NUP58: variants seen among roughly 807,000 people sequenced by gnomAD.
NUP58 encodes nucleoporin p58/p45.
A neutral mutation model predicts 70.1 loss-of-function variants in NUP58; 17 were observed. The observed-to-expected ratio is 0.24, with a 90% CI of 0.17 to 0.36. The LOEUF (loss-of-function observed/expected upper bound fraction) is 0.36. Ranked by LOEUF, NUP58 falls within the 10% of genes least tolerant of loss-of-function variation. The pLI is 1.00. For synonymous variants in NUP58, 275 were observed against 257.6 expected, an observed-to-expected ratio of 1.07 and a Z score of -0.65; for missense variants, 644 against 701.5, an observed-to-expected ratio of 0.92 and a Z score of 0.93.
chr13:25,334,982 TG>T (rs1458523020), intron 13 of NUP58: 3 of 985,144 alleles, frequency 3.0e-6, no homozygotes, highest in Non-Finnish European at 3.6e-6. Flanking sequence ...ACGTAACTTT[TG>T]CCTGAAGGAT....
At chr13:25,323,536 A>G (rs1593189941) in intron 9 of NUP58, among the ~76,000 whole-genome samples, 1 of 152,172 alleles carries the variant, frequency 6.6e-6, no homozygotes, top group Non-Finnish European at 1.5e-5. Context: ...TGAATTACCA[A>G]TTGAAAAAAA....
chr13:25,318,565 ATAAGAAAAATACCG>A (rs1404088388), intron 6 of NUP58, among the ~76,000 whole-genome samples: 7 of 152,226 alleles, frequency 4.6e-5, no homozygotes. Flanking sequence ...TTAGAAATAT[ATAAGAAAAATACCG>A]TAAGAAAAGT....
intron 7 of NUP58, among the ~76,000 whole-genome samples, chr13:25,319,903 T>G (rs185150544): frequency 1.2e-3 from 177 of 152,250 alleles, no homozygotes; most frequent in African/African-American, 4.2e-3. Flanking sequence ...AGCTTACTAT[T>G]TAAATGAAGA....
At chr13:25,302,403 A>C (rs1323412564) in intron 1 of NUP58, among the ~76,000 whole-genome samples, 1 of 152,342 alleles carries the variant, frequency 6.6e-6, no homozygotes, top group Admixed American at 6.5e-5. Context: ...TAAAAAAAAC[A>C]AAAACACTTT....
rs1445482723 is a variant in NUP58 at position 25,332,054 on chromosome 13, A to G, written c.1435+496A>G. 9 of 1,005,598 alleles carry G rather than the reference A, an allele frequency of 8.9e-6. No individual in the cohort carries two copies. The Admixed American group carries it at 3.6e-4, about 40-fold the overall frequency. 62.3% of individuals were successfully genotyped at this position (1,005,598 alleles called of 1,614,324 possible). On this transcript the variant is annotated intron_variant, in intron 13 of 15. Coordinates refer to ENST00000381736, the MANE Select transcript of NUP58 (RefSeq NM_014089.4). ...GACTGAAGGTATGTTGAAGATCAAT[A>G]GGCTTGTTTGTATGTATGTTGACTG... is the stretch of plus-strand genomic sequence containing the variant.
intron 5 of NUP58, among the ~76,000 whole-genome samples, chr13:25,314,455 G>A (rs1428860608): frequency 6.6e-6 from 1 of 152,032 alleles, no homozygotes; most frequent in Non-Finnish European, 1.5e-5. Context: ...CAGCACTTTG[G>A]GAGGCCAAGG....
Position 25,312,889 on chromosome 13 carries a change from C to CA in NUP58, c.294dup (p.Ala99SerfsTer16). ...CATTTATTTATTTAAATAGGAACGC[C>CA]AGCCACTACATCTGCAGCTACAACA... On this transcript the variant is annotated frameshift_variant, in exon 4 of 16. Coordinates refer to ENST00000381736, the MANE Select transcript of NUP58 (RefSeq NM_014089.4). LOFTEE classifies it high-confidence loss of function. The CA allele has an allele frequency of 6.2e-7, 1 of 1,607,634 alleles. No homozygotes were observed. Among genetic ancestry groups the CA allele is most frequent in the Non-Finnish European group, 8.5e-7 (1 of 1,176,906 alleles).
intron 6 of NUP58, among the ~76,000 whole-genome samples, chr13:25,318,603 G>C (rs561359886): frequency 1.3e-5 from 2 of 152,182 alleles, no homozygotes; most frequent in Admixed American, 6.5e-5. Context: ...CAAATCACAA[G>C]TAAGCAGTTC....
chr13:25,345,156 A>G (rs1375457002), downstream of NUP58, among the ~76,000 whole-genome samples: 1 of 152,214 alleles, frequency 6.6e-6, no homozygotes, highest in African/African-American at 2.4e-5. Context: ...TAAAGCAGAA[A>G]TACCCAATTT....
intron 5 of NUP58, among the ~76,000 whole-genome samples, chr13:25,314,264 C>G (rs1159729813): frequency 1.3e-5 from 2 of 152,096 alleles, no homozygotes; most frequent in African/African-American, 2.4e-5. Flanking sequence ...ACATTTTCCT[C>G]TTTCTCAATA....
intron 3 of NUP58, among the ~76,000 whole-genome samples, chr13:25,311,516 C>T (rs753878665): frequency 1.3e-5 from 2 of 152,030 alleles, no homozygotes; most frequent in South Asian, 2.1e-4. Flanking sequence ...GCTGGGATTA[C>T]AGGCATGCGC....
chr13:25,312,273 T>C, intron 3 of NUP58, among the ~76,000 whole-genome samples: 1 of 152,200 alleles, frequency 6.6e-6, no homozygotes, highest in East Asian at 1.9e-4. Context: ...ACCATTTTTC[T>C]GCTGAGAGGG....
In NUP58 at chr13:25,326,928, C is replaced by A. The variant is rs138785080; in HGVS notation, c.1044C>A (p.Ile348=). Residue 348 remains isoleucine, a synonymous_variant, in exon 11 of 16, where the codon ATC becomes ATA. Transcript: ENST00000381736. ...EYAAPADYFR[I]LVQQFEVQLQ... is the part of the protein sequence containing the mutation. ...ATGTTTTTTAAAGCTACTTCAGAAT[C>A]TTGGTTCAGCAATTTGAGGTACAGC... 8.9e-6 allele frequency: 14 copies of A among 1,577,146 alleles called. No individual in the cohort carries two copies. The African/African-American group carries it at 1.6e-4, about 18-fold the overall frequency.
downstream of NUP58, among the ~76,000 whole-genome samples, chr13:25,347,256 C>T (rs575421934): frequency 9.9e-5 from 15 of 152,264 alleles, 1 homozygote; most frequent in South Asian, 3.1e-3. Context: ...TGCATTCCAG[C>T]TCATGGGAAG....
chr13:25,349,732 C>T (rs1441372165), exon 4 of NUP58: 1 of 152,386 alleles, frequency 6.6e-6, no homozygotes, highest in Non-Finnish European at 1.5e-5. Flanking sequence ...GCACATTAAG[C>T]TTAGAGTAGG....
At chr13:25,301,979 C>T (rs1189154054) in intron 1 of NUP58, 99 bp downstream of exon 1, 2 of 777,084 alleles carry the variant, frequency 2.6e-6, no homozygotes, top group East Asian at 2.9e-5. Flanking sequence ...CCTCTGGCTT[C>T]CTTCCCAGTG....
chr13:25,318,210 C>T (rs1468216869), intron 6 of NUP58, among the ~76,000 whole-genome samples: 4 of 152,020 alleles, frequency 2.6e-5, no homozygotes, highest in Non-Finnish European at 4.4e-5. Flanking sequence ...CACCTGTAAT[C>T]CCAGCTACTC....
At chr13:25,320,679 C>T (rs1011886795) in intron 8 of NUP58, 84 bp downstream of exon 8, 8 of 1,043,630 alleles carry the variant, frequency 7.7e-6, no homozygotes, top group South Asian at 1.4e-5. Context: ...CTCCTAAAAT[C>T]GCATCCTAGA....
In NUP58 at chr13:25,320,585, G is replaced by A. The variant is rs1024119409; in HGVS notation, c.766G>A (p.Glu256Lys). Residue 256 changes from glutamate to lysine, a missense_variant, in exon 8 of 16, where the codon GAA becomes AAA. Glu to Lys is a moderately conservative substitution (Grantham distance 56, BLOSUM62 1). Around this residue, in one of 4 missense-constraint regions of NUP58, gnomAD observed 430 missense variants for 409.2 expected, o/e 1.05. Transcript: ENST00000381736. ...NLPPVICQDV[E>K]NLQKFVKEQK... is the part of the protein sequence containing the mutation. ...ACCTCCTGTCATCTGCCAGGATGTT[G>A]AAAATCTCCAGTAAGTGTCAAATAT... is the stretch of plus-strand genomic sequence containing the variant. 2 of 1,604,742 alleles carry A rather than the reference G, an allele frequency of 1.2e-6. No individual in the cohort carries two copies. Among genetic ancestry groups the A allele is most frequent in the Non-Finnish European group, 1.7e-6 (2 of 1,172,320 alleles).
Sources: gnomAD v4.1 joint callset for allele counts (sites outside exome capture counted in the v4.1 genomes callset) on GRCh38, gnomAD v4.1.1 for gene constraint, gnomAD v4.1.1 regional missense constraint, MANE v1.5 for transcripts, NCBI Gene and HGNC (gene_info 2026-07-23, HGNC 2026-07-21) for gene names.